Variants in RGL4 observed in about 807,000 individuals in gnomAD.
RGL4 encodes the protein ral guanine nucleotide dissociation stimulator like 4.
Under a neutral mutation model 49.6 loss-of-function variants are expected in RGL4, and 41 were observed. The ratio of observed to expected loss-of-function variants is 0.83; its 90% CI spans 0.64 to 1.07. The LOEUF (loss-of-function observed/expected upper bound fraction) is 1.07, where lower values mean the gene tolerates loss of function less well. Among genes scored for constraint, RGL4 ranks in the 50% least tolerant of loss-of-function variants. RGL4 has a pLI of 0.00. For missense variants in RGL4, 610 were observed against 591.9 expected (o/e 1.03, Z -0.32); for synonymous variants, 255 against 238.0 (o/e 1.07, Z -0.66).
rs1188920498 is a variant in RGL4, at chr22:23,694,767, G to A, written c.1017-183G>A. On this transcript the variant is annotated intron_variant, in intron 5 of 10. Transcript: ENST00000290691. ...AGTGGCTCATGTGAAGTGGAGATGG[G>A]GCCCAGGGGAGGAGCATGAGAGGTC... The A allele has an allele frequency of 6.4e-6, 4 of 622,804 alleles. No homozygotes were observed. The African/African-American group carries it at 7.3e-5, about 11-fold the overall frequency. The allele number at this position is 622,804 out of a possible 1,614,324, so 38.6% of individuals were successfully genotyped here.
rs1923306066 is a variant in RGL4 at position 23,693,820 on chromosome 22, T to C, written c.758T>C (p.Leu253Pro). 7 of 1,613,996 alleles carry C rather than the reference T, an allele frequency of 4.3e-6. No individual in the cohort carries two copies. In the South Asian group the frequency reaches 7.7e-5, roughly 18 times the overall value. ...GGCTGCATCTGGGGCCAAGGACATC[T>C]GAAGGGGAATGAGCACATGGCACCC... is the stretch of plus-strand genomic sequence containing the variant. ...CLGCIWGQGHLKGNEHMAPTV... is the reference protein window; with the variant it reads ...CLGCIWGQGHPKGNEHMAPTV... Residue 253 changes from leucine to proline, a missense_variant, in exon 4 of 11, where the codon CTG becomes CCG. Coordinates refer to ENST00000290691, the MANE Select transcript of RGL4 (RefSeq NM_153615.2).
intron 6 of RGL4, 172 bp from the exon 7 acceptor site, chr22:23,696,442 G>T: frequency 1.3e-6 from 2 of 1,538,728 alleles, no homozygotes; most frequent in East Asian, 2.5e-5. Context: ...TCTCAGGGAG[G>T]CCCGGCTGCA....
chr22:23,694,492 G>A, intron 5 of RGL4, 42 bp downstream of exon 5: 1 of 1,325,138 alleles, frequency 7.5e-7, no homozygotes, highest in Non-Finnish European at 1.1e-6. Flanking sequence ...GGTTGACCTA[G>A]GGACTCACAG....
Position 23,692,105 on chromosome 22 carries a change from C to T in RGL4, c.75C>T (p.Gly25=), listed in dbSNP as rs80045187. Residue 25 remains glycine, a synonymous_variant, in exon 1 of 11, where the codon GGC becomes GGT. Transcript: ENST00000290691. ...AGGTGTACAGTGCTGTGCTCCAGGG[C>T]CTTTGGGAAGAGAATGTCTGTGGGA... ...SAQVYSAVLQ[G]LWEENVCGTP... is the part of the protein sequence containing the mutation. 2,711 of 1,614,124 alleles carry T rather than the reference C, an allele frequency of 1.7e-3. 49 individuals are homozygous for T. The African/African-American group carries it at 0.033, about 19-fold the overall frequency.
rs151313643 is a variant in RGL4 at position 23,695,269 on chromosome 22, C to T, written c.1086+250C>T. On this transcript the variant is annotated intron_variant, in intron 6 of 10. Coordinates refer to ENST00000290691, the MANE Select transcript of RGL4 (RefSeq NM_153615.2). ...ATGGGATGTGGCAATGGCTGCTGGGCTGCTGGGCTGCTGAGCAGGGGTGAT... is the reference window on the plus strand; with the variant it reads ...ATGGGATGTGGCAATGGCTGCTGGGTTGCTGGGCTGCTGAGCAGGGGTGAT... The T allele has an allele frequency of 8.9e-3, 4,278 of 479,602 alleles. 28 individuals carry two copies. Among genetic ancestry groups the T allele is most frequent in the Non-Finnish European group, 0.013 (3,351 of 257,336 alleles). 29.7% of individuals were successfully genotyped at this position (479,602 alleles called of 1,614,324 possible).
At chr22:23,695,246 G>T in intron 6 of RGL4, 1 of 501,488 alleles carries the variant, frequency 2.0e-6, no homozygotes. Flanking sequence ...CCCTGGAAAT[G>T]GGATGTGGCA....
rs1301737774 is a variant in RGL4 at position 23,692,965 on chromosome 22, G to GCAGAGCAGCTGACCCTCAT, written c.671_689dup (p.Met230IlefsTer34). 1.2e-6 allele frequency: 2 copies of GCAGAGCAGCTGACCCTCAT among 1,608,972 alleles called. No individual in the cohort carries two copies. Among genetic ancestry groups the GCAGAGCAGCTGACCCTCAT allele is most frequent in the Non-Finnish European group, 1.7e-6 (2 of 1,177,202 alleles). On this transcript the variant is annotated frameshift_variant, in exon 3 of 11. Transcript: ENST00000290691. LOFTEE classifies it high-confidence loss of function. The stretch of plus-strand genomic sequence containing the variant: ...GACGACCTTCCCTCCCAGGCTGCTG[G>GCAGAGCAGCTGACCCTCAT]CAGAGCAGCTGACCCTCATGGATGC...
chr22:23,692,860 G>C lies in RGL4; in HGVS notation c.565G>C (p.Glu189Gln). The C allele has an allele frequency of 6.2e-7, 1 of 1,613,692 alleles. No homozygotes were observed. The highest frequency in any genetic ancestry group is 8.5e-7 in the Non-Finnish European group (1 of 1,180,010). The change falls in exon 3 of 11, where the codon GAG becomes CAG. Residue 189 changes from glutamate (E) to glutamine (Q), a missense_variant. Coordinates refer to ENST00000290691, the MANE Select transcript of RGL4 (RefSeq NM_153615.2). Reference sequence around the variant, plus strand: ...AGGGCCCCCTCCAGGGACAGTGCTGGAGCCACAGTCAGCCCCAGAGTCCTC... The same window carrying C: ...AGGGCCCCCTCCAGGGACAGTGCTGCAGCCACAGTCAGCCCCAGAGTCCTC... ...GEGPPPGTVL[E>Q]PQSAPESSCP...
chr22:23,696,793 C>T, intron 7 of RGL4, 105 bp downstream of exon 7: 4 of 967,414 alleles, frequency 4.1e-6, no homozygotes, highest in Non-Finnish European at 6.2e-6. Context: ...GCTTCCTCCC[C>T]AGCCCTGTCC....
intron 9 of RGL4, 77 bp downstream of exon 9, chr22:23,697,938 T>C (rs2123864328): frequency 6.6e-7 from 1 of 1,510,214 alleles, no homozygotes; most frequent in Non-Finnish European, 9.1e-7. Context: ...GGACACTCCC[T>C]GGCTCCATCC....
At chr22:23,698,549 G>A in intron 10 of RGL4, 1 of 723,920 alleles carries the variant, frequency 1.4e-6, no homozygotes, top group Non-Finnish European at 2.5e-6. Flanking sequence ...TGTTGTTCTG[G>A]TACAGATGGG....
intron 4 of RGL4, 175 bp downstream of exon 4, chr22:23,694,149 C>A: frequency 1.4e-6 from 1 of 713,266 alleles, no homozygotes; most frequent in Admixed American, 2.4e-5. Flanking sequence ...GGTGGCTGCT[C>A]ACTTCCGACC....
At chr22:23,692,587 C>T (rs1190135995) in intron 2 of RGL4, 59 bp downstream of exon 2, 20 of 1,581,368 alleles carry the variant, frequency 1.3e-5, no homozygotes, top group Non-Finnish European at 1.7e-5. Context: ...GCTACAATTC[C>T]CTTAAATTCC....
chr22:23,695,532 G>C, intron 6 of RGL4: 2 of 468,870 alleles, frequency 4.3e-6, no homozygotes, highest in Non-Finnish European at 8.1e-6. Context: ...GGGAGAGGGG[G>C]AACAACAACA....
chr22:23,691,733 GA>G lies in RGL4; in HGVS notation c.-294del. 3.2e-6 allele frequency: 1 copy of G among 309,424 alleles called. No individual in the cohort carries two copies. Among genetic ancestry groups the G allele is most frequent in the South Asian group, 6.8e-5 (1 of 14,754 alleles). The allele number at this position is 309,424 out of a possible 1,614,324, so 19.2% of individuals were successfully genotyped here. ...GCCTTTTCACCCACAAAACATGGGG[GA>G]AAATATGTGGACTCTGGCTGGGGAG... On this transcript the variant is annotated 5_prime_UTR_variant, in exon 1 of 11. An upstream open reading frame in the 5' UTR loses its in-frame stop. Coordinates refer to ENST00000290691, the MANE Select transcript of RGL4 (RefSeq NM_153615.2).
Position 23,691,704 on chromosome 22 carries a change from A to C in RGL4, c.-327A>C. 3.7e-6 allele frequency: 1 copy of C among 270,716 alleles called. No homozygotes were observed. The highest frequency in any genetic ancestry group is 7.2e-6 in the Non-Finnish European group (1 of 139,488). 16.8% of individuals were successfully genotyped at this position (270,716 alleles called of 1,614,324 possible). ...TAAACTGGGTGGATTTAGGGTTCTG[A>C]AGGGCCTTTTCACCCACAAAACATG... On this transcript the variant is annotated 5_prime_UTR_variant, in exon 1 of 11. Coordinates refer to ENST00000290691, the MANE Select transcript of RGL4 (RefSeq NM_153615.2).
At chr22:23,697,809 C>T in intron 8 of RGL4, 29 bp from the exon 9 acceptor site, 1 of 1,598,600 alleles carries the variant, frequency 6.3e-7, no homozygotes, top group Non-Finnish European at 8.5e-7. Context: ...GGCCAGGGGC[C>T]TTTCTGATGG....
chr22:23,698,621 G>C (rs1044388443), intron 10 of RGL4: 4 of 737,340 alleles, frequency 5.4e-6, no homozygotes, highest in Non-Finnish European at 7.1e-6. Context: ...ACCCACCTCA[G>C]CCTCCCAAAG....
intron 10 of RGL4, 139 bp from the exon 11 acceptor site, chr22:23,698,705 A>G (rs377440282): frequency 2.0e-5 from 23 of 1,131,882 alleles, no homozygotes; most frequent in Middle Eastern, 2.7e-4. Context: ...CAGAGAGCCT[A>G]TGGCCATGCC....
Sources: allele counts gnomAD v4.1 joint callset, GRCh38; gene constraint gnomAD v4.1.1; transcripts MANE v1.5; gene names NCBI Gene and HGNC (gene_info 2026-07-23, HGNC 2026-07-21).